Variants in IGSF5 observed in about 807,000 individuals in gnomAD.
The protein encoded by IGSF5 is immunoglobulin superfamily member 5.
In IGSF5, 41 loss-of-function variants were observed where a neutral mutation model predicts 39.4. That is an observed-to-expected ratio of 1.04 (90% CI 0.81 to 1.35). IGSF5 has a LOEUF of 1.35. Among genes scored for constraint, IGSF5 ranks in the 40% most tolerant of loss-of-function variants. The pLI, the probability that IGSF5 is intolerant of heterozygous loss-of-function variation, is 0.00. For missense variants in IGSF5, 487 were observed against 494.6 expected (o/e 0.98, Z 0.15); for synonymous variants, 183 against 175.3 (o/e 1.04, Z -0.34).
chr21:39,775,099 A>C (rs373843430), intron 4 of IGSF5, among the ~76,000 whole-genome samples: 3 of 152,132 alleles, frequency 2.0e-5, no homozygotes, highest in Admixed American at 6.6e-5. Flanking sequence ...AAAGTTCCCA[A>C]GTTACTCTAA....
At chr21:39,793,273 G>A (rs2086975972) in intron 7 of IGSF5, among the ~76,000 whole-genome samples, 1 of 152,014 alleles carries the variant, frequency 6.6e-6, no homozygotes, top group Non-Finnish European at 1.5e-5. Context: ...TTGAAGCTTT[G>A]GATCATTTAG....
chr21:39,799,045 C>T (rs761733636), intron 8 of IGSF5, among the ~76,000 whole-genome samples: 5 of 152,130 alleles, frequency 3.3e-5, no homozygotes, highest in African/African-American at 7.2e-5. Flanking sequence ...CTCAGGGGGA[C>T]GCTGGGTTGT....
intron 8 of IGSF5, among the ~76,000 whole-genome samples, chr21:39,795,607 GT>G (rs2086991558): frequency 6.6e-6 from 1 of 151,636 alleles, no homozygotes; most frequent in African/African-American, 2.4e-5. Context: ...GGAGAATGAC[GT>G]TTTGGAGCTC....
chr21:39,753,483 T>C (rs951263104), intron 2 of IGSF5, among the ~76,000 whole-genome samples: 7 of 152,208 alleles, frequency 4.6e-5, no homozygotes, highest in African/African-American at 1.7e-4. Context: ...TAAATATCTG[T>C]AAGTTCCATT....
chr21:39,782,451 C>T (rs1283275578), intron 5 of IGSF5, among the ~76,000 whole-genome samples: 1 of 152,188 alleles, frequency 6.6e-6, no homozygotes. Flanking sequence ...TCACTACCAT[C>T]CATCTACAGA....
intron 2 of IGSF5, among the ~76,000 whole-genome samples, chr21:39,747,607 G>A (rs1337120280): frequency 6.6e-6 from 1 of 152,184 alleles, no homozygotes; most frequent in African/African-American, 2.4e-5. Context: ...TTTACACAAG[G>A]AAACCCACAG....
the IGSF5 span, among the ~76,000 whole-genome samples, chr21:39,717,546 A>G: frequency 1.3e-5 from 2 of 152,178 alleles, no homozygotes; most frequent in African/African-American, 4.8e-5. Flanking sequence ...TCCAGCTTCA[A>G]TCTTCTGCAT....
At position 39,771,001 on chromosome 21, in the gene IGSF5, G is replaced by A; in HGVS notation, c.504G>A (p.Trp168Ter). The change falls in exon 4 of 9, where the codon TGG becomes TGA. Residue 168 changes from tryptophan (W) to a stop codon, truncating the protein, a stop_gained. Transcript: ENST00000380588. LOFTEE classifies it high-confidence loss of function. The part of the protein sequence containing the change: ...PCEVTCLPSH[W>*]TRLPDISWEL... ...AAGTTACTTGTCTACCCTCACACTG[G>A]ACCCGGCTCCCGGATATTTCCTGGG... 6.2e-7 allele frequency: 1 copy of A among 1,613,520 alleles called. No individual in the cohort carries two copies. Among genetic ancestry groups the A allele is most frequent in the Non-Finnish European group, 8.5e-7 (1 of 1,179,820 alleles).
intron 4 of IGSF5, among the ~76,000 whole-genome samples, chr21:39,777,553 T>A (rs1050846766): frequency 6.6e-6 from 1 of 151,934 alleles, no homozygotes; most frequent in Admixed American, 6.6e-5. Context: ...ATGGGAAGGG[T>A]GTAATCTGTT....
At chr21:39,764,603 G>C (rs144133267) in intron 2 of IGSF5, among the ~76,000 whole-genome samples, 36 of 152,312 alleles carry the variant, frequency 2.4e-4, no homozygotes, top group African/African-American at 8.2e-4. Context: ...GCCTCCCAAA[G>C]TGCTGGGATT....
At chr21:39,796,368 G>A (rs544370003) in intron 8 of IGSF5, among the ~76,000 whole-genome samples, 1 of 152,314 alleles carries the variant, frequency 6.6e-6, no homozygotes, top group South Asian at 2.1e-4. Context: ...CACCAGGTTC[G>A]TGCTGTGTGG....
intron 8 of IGSF5, among the ~76,000 whole-genome samples, chr21:39,800,364 C>T (rs373832338): frequency 4.0e-5 from 6 of 150,600 alleles, no homozygotes; most frequent in East Asian, 4.1e-4. Context: ...CTCATTGAGA[C>T]AAACAGAAAT....
intron 8 of IGSF5, among the ~76,000 whole-genome samples, chr21:39,795,260 TAGA>T (rs2086988975): frequency 6.6e-6 from 1 of 152,116 alleles, no homozygotes; most frequent in South Asian, 2.1e-4. Flanking sequence ...AGGTTTCCTT[TAGA>T]AGGACCAGTC....
At chr21:39,792,221 A>G (rs374488550) in intron 7 of IGSF5, 122 bp downstream of exon 7, 40 of 617,672 alleles carry the variant, frequency 6.5e-5, no homozygotes, top group African/African-American at 5.9e-4. Flanking sequence ...TATTTTTTGG[A>G]TAAATTTTAG....
chr21:39,798,090 A>C (rs978466268), intron 8 of IGSF5, among the ~76,000 whole-genome samples: 2 of 152,108 alleles, frequency 1.3e-5, no homozygotes, highest in Non-Finnish European at 2.9e-5. Flanking sequence ...GGAAGTTCAG[A>C]TTTATGGTCT....
chr21:39,793,585 G>A lies in IGSF5; in HGVS notation c.1100G>A (p.Arg367Lys). The part of the protein sequence containing the change: ...KSCESSDPEQ[R>K]NSSCGPPHQR... Reference sequence around the variant, plus strand: ...TGTGAATCCAGTGATCCTGAACAAAGAAACAGTAGCTGTGGCCCTCCTCAC... The same window carrying A: ...TGTGAATCCAGTGATCCTGAACAAAAAAACAGTAGCTGTGGCCCTCCTCAC... Residue 367 changes from arginine to lysine, a missense_variant, in exon 8 of 9, where the codon AGA becomes AAA. By Grantham distance (26) the Arg-to-Lys change is conservative. Transcript: ENST00000380588. The A allele has an allele frequency of 6.2e-7, 1 of 1,614,048 alleles. No homozygotes were observed. The highest frequency in any genetic ancestry group is 8.5e-7 in the Non-Finnish European group (1 of 1,179,928).
chr21:39,722,617 G>A, the IGSF5 span: 1 of 152,142 alleles, frequency 6.6e-6, no homozygotes, highest in African/African-American at 2.4e-5. Flanking sequence ...CCAAACAGAA[G>A]CTGGCCTATC....
chr21:39,774,167 G>A (rs1341269713), intron 4 of IGSF5, among the ~76,000 whole-genome samples: 1 of 152,190 alleles, frequency 6.6e-6, no homozygotes, highest in African/African-American at 2.4e-5. Flanking sequence ...GCAGCTGGTG[G>A]CTGGCTGCAT....
At chr21:39,784,146 A>T (rs757800009) in intron 5 of IGSF5, among the ~76,000 whole-genome samples, 3 of 152,144 alleles carry the variant, frequency 2.0e-5, no homozygotes, top group Non-Finnish European at 4.4e-5. Flanking sequence ...CTCCTGTTGG[A>T]CCTAAATTAG....
Sources: gnomAD v4.1 joint callset for allele counts (sites outside exome capture counted in the v4.1 genomes callset) on GRCh38, gnomAD v4.1.1 for gene constraint, MANE v1.5 for transcripts, NCBI Gene and HGNC (gene_info 2026-07-23, HGNC 2026-07-21) for gene names.